The following FRMD4A variants were observed in gnomAD, a reference collection of about 807,000 sequenced individuals.
The protein encoded by FRMD4A is FERM domain-containing protein 4A.
A neutral mutation model predicts 129.1 loss-of-function variants in FRMD4A; 29 were observed. The ratio of observed to expected loss-of-function variants is 0.22; its 90% confidence interval spans 0.17 to 0.31. FRMD4A has a LOEUF of 0.31. FRMD4A is among the 10% of genes least tolerant of loss of function. FRMD4A has a pLI of 1.00. For missense variants in FRMD4A, 1,272 were observed against 1,375.8 expected, an observed-to-expected ratio of 0.92 and a Z score of 1.19; for synonymous variants, 634 against 571.6, an observed-to-expected ratio of 1.11 and a Z score of -1.56.
intron 2 of FRMD4A, among the ~76,000 whole-genome samples, chr10:14,282,142 T>TG (rs902620832): frequency 6.6e-6 from 1 of 152,042 alleles, no homozygotes; most frequent in African/African-American, 2.4e-5. Context: ...GAGAACAGTA[T>TG]GGGGGAAACT....
chr10:13,670,691 T>A, intron 16 of FRMD4A, among the ~76,000 whole-genome samples, 163 bp from the exon 17 acceptor site: 1 of 152,212 alleles, frequency 6.6e-6, no homozygotes, highest in East Asian at 1.9e-4. Flanking sequence ...GCACTATGCC[T>A]AAGTAAGAGG....
intron 2 of FRMD4A, among the ~76,000 whole-genome samples, chr10:14,084,440 C>G (rs976108496): frequency 2.0e-5 from 3 of 152,236 alleles, no homozygotes; most frequent in Non-Finnish European, 4.4e-5. Flanking sequence ...AGCCACTGCA[C>G]CCGGCTGGGG....
At chr10:14,165,307 A>G (rs925434077) in intron 2 of FRMD4A, among the ~76,000 whole-genome samples, 1 of 152,224 alleles carries the variant, frequency 6.6e-6, no homozygotes, top group African/African-American at 2.4e-5. Flanking sequence ...CCAAAACCAC[A>G]GCGATAGCCA....
chr10:14,179,503 C>T (rs1841840711), intron 2 of FRMD4A, among the ~76,000 whole-genome samples: 1 of 152,156 alleles, frequency 6.6e-6, no homozygotes, highest in Admixed American at 6.5e-5. Context: ...CTGCCTCAAC[C>T]CTCCTCAGCC....
At chr10:14,166,926 C>T (rs1365565105) in intron 2 of FRMD4A, among the ~76,000 whole-genome samples, 1 of 151,958 alleles carries the variant, frequency 6.6e-6, no homozygotes, top group Non-Finnish European at 1.5e-5. Context: ...GTATGAAGGC[C>T]CTATATTTCT....
At chr10:13,808,346 C>T (rs1161199478) in intron 4 of FRMD4A, among the ~76,000 whole-genome samples, 1 of 152,208 alleles carries the variant, frequency 6.6e-6, no homozygotes, top group African/African-American at 2.4e-5. Context: ...TCACAATACA[C>T]ATGCAGAATT....
intron 2 of FRMD4A, among the ~76,000 whole-genome samples, chr10:14,167,104 G>A (rs947215048): frequency 6.6e-5 from 10 of 152,068 alleles, no homozygotes; most frequent in Middle Eastern, 3.4e-3. Flanking sequence ...AGAATGTTCC[G>A]AGCTCAAAAA....
At chr10:13,762,767 G>A (rs531888879) in intron 6 of FRMD4A, 87 bp from the exon 7 acceptor site, 10 of 808,924 alleles carry the variant, frequency 1.2e-5, no homozygotes, top group Non-Finnish European at 1.9e-5. Context: ...TCTTCTTCGG[G>A]AGGATTACTT....
At chr10:13,976,546 ATTT>A (rs61706353) in intron 2 of FRMD4A, among the ~76,000 whole-genome samples, 4,895 of 149,066 alleles carry the variant, frequency 0.033, 295 homozygotes, top group African/African-American at 0.11. Context: ...AGACAGAGGA[ATTT>A]TTTTTTTTTT....
intron 2 of FRMD4A, among the ~76,000 whole-genome samples, chr10:14,004,351 T>C (rs1440592147): frequency 6.6e-6 from 1 of 152,196 alleles, no homozygotes; most frequent in East Asian, 1.9e-4. Flanking sequence ...GAGACCAGCC[T>C]GGCCAACATG....
chr10:13,720,106 T>C (rs2089276845), intron 12 of FRMD4A, among the ~76,000 whole-genome samples: 1 of 152,200 alleles, frequency 6.6e-6, no homozygotes, highest in Non-Finnish European at 1.5e-5. Flanking sequence ...TGTGGTGCAG[T>C]GGGGTGATCT....
intron 5 of FRMD4A, among the ~76,000 whole-genome samples, chr10:13,794,563 A>G (rs2093073075): frequency 1.3e-5 from 2 of 152,090 alleles, no homozygotes; most frequent in Admixed American, 1.3e-4. Context: ...CTGAGTTTGA[A>G]GTACTCAGGT....
At chr10:14,209,910 C>G (rs1842890272) in intron 2 of FRMD4A, among the ~76,000 whole-genome samples, 1 of 151,902 alleles carries the variant, frequency 6.6e-6, no homozygotes, top group Non-Finnish European at 1.5e-5. Context: ...TCAGGAGAGA[C>G]ACACAGAGGA....
chr10:13,780,448 A>G (rs1401298524), intron 6 of FRMD4A, among the ~76,000 whole-genome samples: 1 of 152,204 alleles, frequency 6.6e-6, no homozygotes, highest in Non-Finnish European at 1.5e-5. Flanking sequence ...TCATCCCACA[A>G]AAGGAGACAC....
At chr10:13,879,883 C>T (rs182449995) in intron 2 of FRMD4A, among the ~76,000 whole-genome samples, 95 of 151,160 alleles carry the variant, frequency 6.3e-4, no homozygotes, top group African/African-American at 2.2e-3. Context: ...TGGCCTCAAG[C>T]GATTCTCCTA....
intron 3 of FRMD4A, among the ~76,000 whole-genome samples, chr10:13,834,480 T>G (rs2093842360): frequency 6.6e-6 from 1 of 152,062 alleles, no homozygotes; most frequent in South Asian, 2.1e-4. Context: ...AGAAAAATGG[T>G]GAGATATCAA....
At chr10:14,006,722 A>G (rs1230526642) in intron 2 of FRMD4A, among the ~76,000 whole-genome samples, 1 of 152,180 alleles carries the variant, frequency 6.6e-6, no homozygotes, top group Non-Finnish European at 1.5e-5. Flanking sequence ...TACCATACAG[A>G]CCAAAGAGTT....
intron 3 of FRMD4A, among the ~76,000 whole-genome samples, chr10:13,838,826 C>T (rs951413092): frequency 3.3e-5 from 5 of 152,012 alleles, no homozygotes; most frequent in Non-Finnish European, 7.4e-5. Flanking sequence ...ACAATATGGA[C>T]CTTAGACTGT....
At chr10:14,212,371 T>C (rs1842956089) in intron 2 of FRMD4A, among the ~76,000 whole-genome samples, 1 of 152,138 alleles carries the variant, frequency 6.6e-6, no homozygotes, top group South Asian at 2.1e-4. Context: ...CTAAATGACC[T>C]CCACCCCACC....
Sources: allele counts gnomAD v4.1 joint callset (sites outside exome capture counted in the v4.1 genomes callset), GRCh38; gene constraint gnomAD v4.1.1; transcripts MANE v1.5; gene names NCBI Gene and HGNC (gene_info 2026-07-23, HGNC 2026-07-21).